Variants in SIK3 observed in about 807,000 individuals in gnomAD.
SIK3 encodes the protein SIK family kinase 3, also known as serine/threonine-protein kinase SIK3.
A neutral mutation model predicts 144.2 loss-of-function variants in SIK3; 28 were observed. That is an observed-to-expected ratio of 0.19 (90% CI 0.14 to 0.27). The LOEUF (loss-of-function observed/expected upper bound fraction) is 0.27, where lower values mean the gene tolerates loss of function less well. Among genes scored for constraint, SIK3 ranks in the 10% least tolerant of loss-of-function variants. The pLI is 1.00. For synonymous variants in SIK3, 686 were observed against 676.3 expected, an observed-to-expected ratio of 1.01 and a Z score of -0.22; for missense variants, 1,319 against 1,776.0, an observed-to-expected ratio of 0.74 and a Z score of 4.62.
chr11:116,936,327 C>T (rs1429836244), intron 3 of SIK3, among the ~76,000 whole-genome samples: 5 of 152,034 alleles, frequency 3.3e-5, no homozygotes, highest in Non-Finnish European at 7.4e-5. Context: ...CAACAGGTGC[C>T]ACCATGCCCA....
At chr11:117,045,439 G>C (rs991148716) in intron 1 of SIK3, among the ~76,000 whole-genome samples, 3 of 152,154 alleles carry the variant, frequency 2.0e-5, no homozygotes, top group African/African-American at 7.2e-5. Flanking sequence ...CCGCCCATAA[G>C]AGTGAACGGT....
chr11:116,979,338 C>T (rs1950061520), intron 1 of SIK3, among the ~76,000 whole-genome samples: 1 of 151,988 alleles, frequency 6.6e-6, no homozygotes, highest in African/African-American at 2.4e-5. Flanking sequence ...TTCCTATTTC[C>T]ATTTTTCCTA....
chr11:116,955,294 A>G (rs1417062766), intron 2 of SIK3, among the ~76,000 whole-genome samples: 1 of 152,216 alleles, frequency 6.6e-6, no homozygotes, highest in Non-Finnish European at 1.5e-5. Flanking sequence ...GCTACTTGGA[A>G]GGCTGAGGCA....
intron 6 of SIK3, among the ~76,000 whole-genome samples, chr11:116,880,272 T>C (rs1944477367): frequency 6.6e-6 from 1 of 151,098 alleles, no homozygotes; most frequent in African/African-American, 2.5e-5. Flanking sequence ...CCTTAACCAT[T>C]ATTTGGCCTC....
At chr11:117,033,720 AAAAAG>A (rs1952367960) in intron 1 of SIK3, among the ~76,000 whole-genome samples, 2 of 151,368 alleles carry the variant, frequency 1.3e-5, no homozygotes, top group African/African-American at 4.8e-5. Context: ...AAAAAAAAAA[AAAAAG>A]AAAGAAAAGA....
chr11:116,847,467 G>C lies in SIK3; in HGVS notation c.3952+9C>G, dbSNP rs746090772. 1.2e-6 allele frequency: 2 copies of C among 1,614,086 alleles called. No individual in the cohort carries two copies. The highest frequency in any genetic ancestry group is 1.6e-4 in the Middle Eastern group (1 of 6,062). ...TTCTCTGGAGTGCCCCATGCATAAG[G>C]CTCCTCACCCTCATTTTCCCCATCC... is the stretch of plus-strand genomic sequence containing the variant. On this transcript the variant is annotated intron_variant, in intron 23 of 24. Coordinates refer to ENST00000445177, the MANE Select transcript of SIK3 (RefSeq NM_001366686.3).
chr11:116,854,666 AGAGT>A (rs1460651509), intron 21 of SIK3, among the ~76,000 whole-genome samples: 5 of 152,210 alleles, frequency 3.3e-5, no homozygotes, highest in African/African-American at 1.2e-4. Context: ...AAGGTTGAGA[AGAGT>A]GAGCTCCCCC....
intron 1 of SIK3, among the ~76,000 whole-genome samples, chr11:116,970,604 C>A (rs756755071): frequency 6.6e-6 from 1 of 151,944 alleles, no homozygotes; most frequent in Non-Finnish European, 1.5e-5. Flanking sequence ...CCTGCCTCAG[C>A]CTCCCAAAGT....
At chr11:116,888,615 G>A (rs545936052) in intron 6 of SIK3, among the ~76,000 whole-genome samples, 1 of 152,294 alleles carries the variant, frequency 6.6e-6, no homozygotes, top group Non-Finnish European at 1.5e-5. Flanking sequence ...CCAAGCACAT[G>A]TATATTACCA....
chr11:116,988,942 A>G (rs1348639903), intron 1 of SIK3, among the ~76,000 whole-genome samples: 1 of 151,820 alleles, frequency 6.6e-6, no homozygotes, highest in African/African-American at 2.4e-5. Context: ...TGGAAGAAAA[A>G]ACAAAACAAA....
At chr11:116,870,425 G>C in intron 13 of SIK3, 24 bp from the exon 14 acceptor site, 1 of 1,612,168 alleles carries the variant, frequency 6.2e-7, no homozygotes, top group Non-Finnish European at 8.5e-7. Context: ...GGAAGGAAAA[G>C]CTCAAGGTGG....
chr11:117,003,230 C>T (rs902256655), intron 1 of SIK3, among the ~76,000 whole-genome samples: 1 of 152,104 alleles, frequency 6.6e-6, no homozygotes, highest in Non-Finnish European at 1.5e-5. Flanking sequence ...AGAATCTGAC[C>T]GGGTTTACAT....
Position 117,098,149 on chromosome 11 carries a change from C to A in SIK3, c.267G>T (p.Lys89Asn). 1 of 1,499,782 alleles carries A rather than the reference C, an allele frequency of 6.7e-7. No homozygotes were observed. The highest frequency in any genetic ancestry group is 8.9e-7 in the Non-Finnish European group (1 of 1,122,822). The allele number at this position is 1,499,782 out of a possible 1,614,324, so 92.9% of individuals were successfully genotyped here. The change falls in exon 1 of 25, where the codon AAG (lysine) becomes AAT (asparagine). Residue 89 changes from lysine to asparagine, a missense_variant. This residue lies in a region of SIK3 where 125 missense variants were observed against 285.2 expected (regional missense o/e 0.44). Transcript: ENST00000445177. ...CTGGCCCCTGCGCCGGTACCTTGGC[C>A]TTGGTGACGAGGTGCGTGGCCCGCT... is the stretch of plus-strand genomic sequence containing the variant. Reference protein sequence around the residue: ...VVKRATHLVTKAKVAIKIIDK... With the variant: ...VVKRATHLVTNAKVAIKIIDK...
intron 4 of SIK3, among the ~76,000 whole-genome samples, chr11:116,913,658 T>C (rs771615680): frequency 8.5e-5 from 13 of 152,244 alleles, no homozygotes; most frequent in East Asian, 1.9e-4. Context: ...ATAGTCATGA[T>C]TGTAAAGAAT....
At chr11:116,937,584 T>C (rs1659538227) in intron 3 of SIK3, among the ~76,000 whole-genome samples, 1 of 152,200 alleles carries the variant, frequency 6.6e-6, no homozygotes, top group Non-Finnish European at 1.5e-5. Context: ...CAAGTCTCCT[T>C]ATTATTTGTA....
At position 116,872,575 on chromosome 11, in the gene SIK3, C is replaced by T. The variant is rs186785749; in HGVS notation, c.1737+906G>A. ...TTACCAATTCATGATAAGGTAAGTA[C>T]AGAAATCAACAAAAGGCTTTCAGAA... is the stretch of plus-strand genomic sequence containing the variant. On this transcript the variant is annotated intron_variant, in intron 13 of 24. Coordinates refer to ENST00000445177, the MANE Select transcript of SIK3 (RefSeq NM_001366686.3). Among the ~76,000 whole-genome samples, 17 of 152,088 alleles carry T rather than the reference C, an allele frequency of 1.1e-4. No homozygotes were observed. The East Asian group carries it at 3.3e-3, about 29-fold the overall frequency.
intron 1 of SIK3, among the ~76,000 whole-genome samples, chr11:117,049,243 A>G (rs746766239): frequency 1.3e-5 from 2 of 152,162 alleles, no homozygotes; most frequent in Non-Finnish European, 2.9e-5. Flanking sequence ...TAAACACCAT[A>G]TATTAGGGGA....
At chr11:116,899,399 G>A (rs1945623306) in intron 4 of SIK3, among the ~76,000 whole-genome samples, 1 of 152,152 alleles carries the variant, frequency 6.6e-6, no homozygotes, top group South Asian at 2.1e-4. Flanking sequence ...TCGAAGTCAG[G>A]TAGTGTGATG....
intron 1 of SIK3, among the ~76,000 whole-genome samples, chr11:116,995,784 T>C (rs932277408): frequency 6.6e-6 from 1 of 152,168 alleles, no homozygotes; most frequent in Non-Finnish European, 1.5e-5. Flanking sequence ...TGAAAAATCA[T>C]CCACAGTATC....
Sources: allele counts gnomAD v4.1 joint callset (sites outside exome capture counted in the v4.1 genomes callset), GRCh38; gene constraint gnomAD v4.1.1; regional missense constraint gnomAD v4.1.1; transcripts MANE v1.5; gene names NCBI Gene and HGNC (gene_info 2026-07-23, HGNC 2026-07-21).